Variants in SLC6A7 observed in about 807,000 individuals in gnomAD.
The protein encoded by SLC6A7 is sodium-dependent proline transporter.
Under a neutral mutation model 73.1 loss-of-function variants are expected in SLC6A7, and 58 were observed. The ratio of observed to expected loss-of-function variants is 0.79; its 90% CI spans 0.64 to 0.99. The LOEUF (loss-of-function observed/expected upper bound fraction) is 0.99. Ranked by LOEUF, SLC6A7 falls within the 50% of genes least tolerant of loss-of-function variation. The pLI, the probability that SLC6A7 is intolerant of heterozygous loss-of-function variation, is 0.00. For synonymous variants in SLC6A7, 338 were observed against 338.7 expected, an observed-to-expected ratio of 1.00 and a Z score of 0.02; for missense variants, 783 against 831.4, an observed-to-expected ratio of 0.94 and a Z score of 0.72.
chr5:150,204,046 G>T lies in SLC6A7; in HGVS notation c.1332+8G>T. 2 of 1,611,494 alleles carry T rather than the reference G, an allele frequency of 1.2e-6. No homozygotes were observed. Among genetic ancestry groups the T allele is most frequent in the Non-Finnish European group, 1.7e-6 (2 of 1,178,810 alleles). ...CTGATCCTCACCACTGATGTGAGTG[G>T]CGCTACAGGGAGGATGGCAGGTGGG... is the stretch of plus-strand genomic sequence containing the variant. On this transcript the variant is annotated splice_region_variant and intron_variant, in intron 10 of 13. Coordinates refer to ENST00000230671, the MANE Select transcript of SLC6A7 (RefSeq NM_014228.5).
chr5:150,209,906 C>T lies in SLC6A7; in HGVS notation c.*291C>T. Reference sequence around the variant, plus strand: ...TTAAGGCCAGGAGGGGAGGGACTTGCCCCAGGTCGCATGGCAGAGGGGACT... The same window carrying T: ...TTAAGGCCAGGAGGGGAGGGACTTGTCCCAGGTCGCATGGCAGAGGGGACT... On this transcript the variant is annotated 3_prime_UTR_variant, in exon 14 of 14. Transcript: ENST00000230671. 2.3e-6 allele frequency: 1 copy of T among 436,196 alleles called. No individual in the cohort carries two copies. The highest frequency in any genetic ancestry group is 4.3e-6 in the Non-Finnish European group (1 of 235,226). The allele number at this position is 436,196 out of a possible 1,614,324, so 27.0% of individuals were successfully genotyped here.
At chr5:150,204,394 T>C in intron 10 of SLC6A7, 138 bp from the exon 11 acceptor site, 1 of 732,322 alleles carries the variant, frequency 1.4e-6, no homozygotes, top group East Asian at 2.5e-5. Context: ...CTAGAAGGGC[T>C]GGGCTGGCAG....
rs1554116782 is a variant in SLC6A7 at position 150,203,819 on chromosome 5, T to TGGTGTGTG, written c.1200+41_1200+48dup. The TGGTGTGTG allele has an allele frequency of 3.9e-5, 51 of 1,292,672 alleles. No homozygotes were observed. In the African/African-American group the frequency reaches 1.1e-3, roughly 27 times the overall value. The allele number at this position is 1,292,672 out of a possible 1,614,324, so 80.1% of individuals were successfully genotyped here. A position where few individuals can be genotyped will look rare whatever the true frequency, so the allele number is the denominator to read the frequency against. On this transcript the variant is annotated intron_variant, in intron 9 of 13. Coordinates refer to ENST00000230671, the MANE Select transcript of SLC6A7 (RefSeq NM_014228.5). Reference sequence around the variant, plus strand: ...TGGCAGCAGGCACCCCGTGTGTGTGTGGTGTGTGTGTGTGTGTGTGTGTGT... The same window carrying TGGTGTGTG: ...TGGCAGCAGGCACCCCGTGTGTGTGTGGTGTGTGGGTGTGTGTGTGTGTGTGTGTGTGT...
intron 6 of SLC6A7, among the ~76,000 whole-genome samples, chr5:150,201,499 T>C (rs1753381365): frequency 6.6e-6 from 1 of 152,236 alleles, no homozygotes. Context: ...ATTATCATTT[T>C]TGTAGTGAGA....
In SLC6A7 at chr5:150,205,492, T is replaced by G; in HGVS notation, c.1570T>G (p.Ser524Ala). The change falls in exon 13 of 14, where the codon TCG (serine) becomes GCG (alanine). Residue 524 changes from serine to alanine, a missense_variant. Physicochemically the swap from Ser to Ala is moderately conservative, Grantham distance 99 (BLOSUM62 1). Transcript: ENST00000230671. ...MVYSIVKYQP[S>A]EYGSYRFPPW... ...GTATAGCATCGTCAAGTACCAGCCC[T>G]CGGAGTATGGCAGTTACCGCTTCCC... is the stretch of plus-strand genomic sequence containing the variant. 1 of 1,612,690 alleles carries G rather than the reference T, an allele frequency of 6.2e-7. No homozygotes were observed. Among genetic ancestry groups the G allele is most frequent in the Non-Finnish European group, 8.5e-7 (1 of 1,179,286 alleles).
rs924482699 is a variant in SLC6A7 at position 150,202,896 on chromosome 5, G to A, written c.1087+193G>A. 6.2e-4 allele frequency among the ~76,000 whole-genome samples: 94 copies of A among 152,286 alleles called. 2 individuals are homozygous for A. The highest frequency in any genetic ancestry group is 4.1e-3 in the East Asian group (21 of 5,174). ...TCGAGACCAGCCTGGTCAACCTGGTGAGTCCCAGTGTCTACTAAAAATACA... is the reference window on the plus strand; with the variant it reads ...TCGAGACCAGCCTGGTCAACCTGGTAAGTCCCAGTGTCTACTAAAAATACA... On this transcript the variant is annotated intron_variant, in intron 8 of 13. Coordinates refer to ENST00000230671, the MANE Select transcript of SLC6A7 (RefSeq NM_014228.5).
At chr5:150,205,715 C>G (rs1185100777) in intron 13 of SLC6A7, 92 bp downstream of exon 13, 1 of 1,135,654 alleles carries the variant, frequency 8.8e-7, no homozygotes, top group Non-Finnish European at 1.2e-6. Context: ...ATGCACCCAC[C>G]CCTTATCCAG....
chr5:150,197,037 ACCAGGC>A lies in SLC6A7; in HGVS notation c.350-4_351del. 6.2e-7 allele frequency: 1 copy of A among 1,612,900 alleles called. No individual in the cohort carries two copies. ...GGGCAGCCCAGCAGCCTCTCCCCACACCAGGCGCCGGCGCAGCCATGCTGCTCATCG... is the reference window on the plus strand; with the variant it reads ...GGGCAGCCCAGCAGCCTCTCCCCACAGCCGGCGCAGCCATGCTGCTCATCG... On this transcript the variant is annotated splice_acceptor_variant and splice_polypyrimidine_tract_variant and coding_sequence_variant and intron_variant, in exon 4 of 14. Transcript: ENST00000230671. LOFTEE classifies it high-confidence loss of function.
chr5:150,198,093 A>AAGAAAGAAAGAAAGAAAGAAAG (rs1243964313), intron 4 of SLC6A7, among the ~76,000 whole-genome samples: 2 of 106,472 alleles, frequency 1.9e-5, no homozygotes, highest in Non-Finnish European at 4.3e-5. Context: ...GAAAGAAAGA[A>AAGAAAGAAAGAAAGAAAGAAAG]AGAAAGAAAG....
At position 150,190,934 on chromosome 5, in the gene SLC6A7, A is replaced by T. The variant is rs78941664; in HGVS notation, c.33+574A>T. Among the ~76,000 whole-genome samples the T allele has an allele frequency of 5.9e-5, 9 of 152,242 alleles. No homozygotes were observed. In the East Asian group the frequency reaches 1.7e-3, roughly 29 times the overall value. ...GCAAAGACAGGGAGGGGGCTATCGG[A>T]GGCAGGAGGATATGATCAATGAAGA... On this transcript the variant is annotated intron_variant, in intron 1 of 13. Transcript: ENST00000230671.
chr5:150,204,525 G>C lies in SLC6A7; in HGVS notation c.1333-7G>C. 6.2e-7 allele frequency: 1 copy of C among 1,610,834 alleles called. No individual in the cohort carries two copies. Among genetic ancestry groups the C allele is most frequent in the Non-Finnish European group, 8.5e-7 (1 of 1,176,894 alleles). On this transcript the variant is annotated splice_region_variant and splice_polypyrimidine_tract_variant and intron_variant, in intron 10 of 13. Transcript: ENST00000230671. ...AAGGGGACACCAGAACTGTGCTTGT[G>C]TTTTAGGGGGGCATGTACTGGCTGG... is the stretch of plus-strand genomic sequence containing the variant.
At chr5:150,196,333 G>A (rs1753019769) in intron 2 of SLC6A7, among the ~76,000 whole-genome samples, 1 of 152,198 alleles carries the variant, frequency 6.6e-6, no homozygotes, top group African/African-American at 2.4e-5. Flanking sequence ...AGTCACAAGT[G>A]TCTGAGGCGG....
rs74604521 is a variant in SLC6A7, at chr5:150,203,822, T to G, written c.1200+43T>G. 157 of 535,200 alleles carry G rather than the reference T, an allele frequency of 2.9e-4. No homozygotes were observed. The highest frequency in any genetic ancestry group is 2.7e-3 in the East Asian group (48 of 17,882). 33.2% of individuals were successfully genotyped at this position (535,200 alleles called of 1,614,324 possible). On this transcript the variant is annotated intron_variant, in intron 9 of 13. Coordinates refer to ENST00000230671, the MANE Select transcript of SLC6A7 (RefSeq NM_014228.5). ...CAGCAGGCACCCCGTGTGTGTGTGG[T>G]GTGTGTGTGTGTGTGTGTGTGTGTG...
rs142204623 is a variant in SLC6A7, at chr5:150,204,023, G to A, written c.1317G>A (p.Leu439=). ...GCGTGGCCATGTACCTGATGGGGCTGATCCTCACCACTGATGTGAGTGGCG... is the reference window on the plus strand; with the variant it reads ...GCGTGGCCATGTACCTGATGGGGCTAATCCTCACCACTGATGTGAGTGGCG... ...LICVAMYLMG[L]ILTTDGGMYW... The change falls in exon 10 of 14, where the codon CTG becomes CTA. Residue 439 remains leucine (L), a synonymous_variant. Coordinates refer to ENST00000230671, the MANE Select transcript of SLC6A7 (RefSeq NM_014228.5). 1,573 of 1,613,390 alleles carry A rather than the reference G, an allele frequency of 9.7e-4. 6 individuals are homozygous for A. The highest frequency in any genetic ancestry group is 6.4e-4 in the Non-Finnish European group (752 of 1,179,724).
chr5:150,200,522 C>G (rs1277678040), intron 5 of SLC6A7, among the ~76,000 whole-genome samples: 2 of 152,134 alleles, frequency 1.3e-5, no homozygotes, highest in Non-Finnish European at 2.9e-5. Flanking sequence ...AACTCAGAAA[C>G]CTTCAAGATG....
rs1753873568 is a variant in SLC6A7 at position 150,209,632 on chromosome 5, G to C, written c.*17G>C. ...ATGATGTGAGGCAGGAGGCAGGCGG[G>C]CAGAAGGCCCTGCCCGGGACCTCAC... On this transcript the variant is annotated 3_prime_UTR_variant, in exon 14 of 14. Transcript: ENST00000230671. 1 of 1,567,620 alleles carries C rather than the reference G, an allele frequency of 6.4e-7. No individual in the cohort carries two copies. The highest frequency in any genetic ancestry group is 1.4e-5 in the African/African-American group (1 of 73,954).
intron 4 of SLC6A7, among the ~76,000 whole-genome samples, chr5:150,198,687 G>T (rs1753200965): frequency 6.6e-6 from 1 of 152,124 alleles, no homozygotes; most frequent in Non-Finnish European, 1.5e-5. Flanking sequence ...AAGCATCAGT[G>T]ACTAGCAACA....
chr5:150,206,527 C>T (rs1014319989), intron 13 of SLC6A7, among the ~76,000 whole-genome samples: 6 of 152,252 alleles, frequency 3.9e-5, no homozygotes, highest in Non-Finnish European at 5.9e-5. Flanking sequence ...CACACTACTG[C>T]CTCTCCTCCA....
rs752185966 is a variant in SLC6A7, at chr5:150,194,778, C to T, written c.84C>T (p.Asp28=). Residue 28 remains aspartate (D), a synonymous_variant, in exon 2 of 14, where the codon GAC becomes GAT. Coordinates refer to ENST00000230671, the MANE Select transcript of SLC6A7 (RefSeq NM_014228.5). ...CCCCCAGTGACCAGGGCGATGTCGACCTGGATGTGGACTTTGCTGCACACC... is the reference window on the plus strand; with the variant it reads ...CCCCCAGTGACCAGGGCGATGTCGATCTGGATGTGGACTTTGCTGCACACC... ...LMTPSDQGDV[D]LDVDFAAHRG... is the part of the protein sequence containing the mutation. 16 of 1,614,142 alleles carry T rather than the reference C, an allele frequency of 9.9e-6. No individual in the cohort carries two copies. The East Asian group carries it at 2.9e-4, about 29-fold the overall frequency.
Sources: allele counts gnomAD v4.1 joint callset (sites outside exome capture counted in the v4.1 genomes callset), GRCh38; gene constraint gnomAD v4.1.1; transcripts MANE v1.5; gene names NCBI Gene and HGNC (gene_info 2026-07-23, HGNC 2026-07-21).